Variants in GPC5 observed in about 807,000 individuals in gnomAD.
The protein encoded by GPC5 is glypican 5, also known as glypican-5.
Under a neutral mutation model 53.9 loss-of-function variants are expected in GPC5, and 47 were observed. The ratio of observed to expected loss-of-function variants is 0.87; its 90% confidence interval spans 0.69 to 1.11. GPC5 has a LOEUF of 1.11. Among genes scored for constraint, GPC5 ranks in the 50% most tolerant of loss-of-function variants. The pLI, the probability that GPC5 is intolerant of heterozygous loss-of-function variation, is 0.00. For synonymous variants in GPC5, 286 were observed against 263.3 expected (o/e 1.09, Z -0.84); for missense variants, 748 against 713.1 (o/e 1.05, Z -0.56).
chr13:91,925,424 A>G (rs551931669), intron 6 of GPC5, among the ~76,000 whole-genome samples: 102 of 152,252 alleles, frequency 6.7e-4, no homozygotes, highest in African/African-American at 2.4e-3. Context: ...GTATTGTTTC[A>G]TTCACTCATC....
In GPC5 at chr13:92,521,772, G is replaced by C. The variant is rs1021048261; in HGVS notation, c.1562-344510G>C. Reference sequence around the variant, plus strand: ...CAATGGCAACAGAAGCCAAAATTGAGAAATGGGATCTAATTAAACTAAAGA... The same window carrying C: ...CAATGGCAACAGAAGCCAAAATTGACAAATGGGATCTAATTAAACTAAAGA... On this transcript the variant is annotated intron_variant, in intron 7 of 7. Coordinates refer to ENST00000377067, the MANE Select transcript of GPC5 (RefSeq NM_004466.6). 8.8e-4 allele frequency among the ~76,000 whole-genome samples: 134 copies of C among 152,194 alleles called. 1 individual carries two copies. Among genetic ancestry groups the C allele is most frequent in the African/African-American group, 3.0e-3 (123 of 41,530 alleles).
intron 1 of GPC5, among the ~76,000 whole-genome samples, chr13:91,438,239 G>C (rs1880137571): frequency 6.6e-6 from 1 of 152,170 alleles, no homozygotes; most frequent in African/African-American, 2.4e-5. Flanking sequence ...GAGGCACTCT[G>C]ATTTTTAGAG....
intron 7 of GPC5, among the ~76,000 whole-genome samples, chr13:92,191,503 T>A (rs903602966): frequency 1.3e-5 from 2 of 152,188 alleles, no homozygotes; most frequent in African/African-American, 4.8e-5. Flanking sequence ...TCTTACCATA[T>A]GTTCCATCAA....
chr13:92,653,504 C>T (rs373969020), intron 7 of GPC5, among the ~76,000 whole-genome samples: 1 of 152,058 alleles, frequency 6.6e-6, no homozygotes, highest in Non-Finnish European at 1.5e-5. Context: ...TCCTTTCTAA[C>T]CCCATGCATC....
chr13:92,730,423 G>A (rs2139298319), intron 7 of GPC5, among the ~76,000 whole-genome samples: 1 of 151,214 alleles, frequency 6.6e-6, no homozygotes, highest in South Asian at 2.1e-4. Flanking sequence ...CTGTGCCTTT[G>A]GTCCTTTGGT....
intron 7 of GPC5, among the ~76,000 whole-genome samples, chr13:92,637,896 A>G (rs1210188668): frequency 6.6e-6 from 1 of 152,198 alleles, no homozygotes; most frequent in East Asian, 1.9e-4. Flanking sequence ...AGAAACATGG[A>G]AGAGAGAGCA....
intron 7 of GPC5, among the ~76,000 whole-genome samples, chr13:92,151,548 G>C (rs1236773003): frequency 1.3e-5 from 2 of 152,220 alleles, no homozygotes; most frequent in South Asian, 4.1e-4. Flanking sequence ...AATGGTGGCT[G>C]ATTCTGTATG....
At chr13:91,763,460 G>A (rs748913025) in intron 5 of GPC5, among the ~76,000 whole-genome samples, 1 of 152,056 alleles carries the variant, frequency 6.6e-6, no homozygotes, top group Non-Finnish European at 1.5e-5. Context: ...GCAAAGACCT[G>A]CCCAAAGTCA....
intron 6 of GPC5, among the ~76,000 whole-genome samples, chr13:92,069,229 T>G (rs1270690660): frequency 2.0e-5 from 3 of 152,122 alleles, no homozygotes; most frequent in African/African-American, 7.2e-5. Context: ...TATATGTCTA[T>G]CTCTATGCTA....
intron 7 of GPC5, among the ~76,000 whole-genome samples, chr13:92,458,862 G>T (rs1375031399): frequency 6.6e-6 from 1 of 152,104 alleles, no homozygotes; most frequent in African/African-American, 2.4e-5. Context: ...ACAGTGATAA[G>T]AACATCTACT....
chr13:92,692,754 A>ATTGTTTTTTTTTTTTTTTTTT (rs1887443576), intron 7 of GPC5, among the ~76,000 whole-genome samples: 1 of 81,050 alleles, frequency 1.2e-5, no homozygotes, highest in East Asian at 8.4e-4. Context: ...AATATCGGCT[A>ATTGTTTTTTTTTTTTTTTTTT]TTTTTTTTTT....
intron 2 of GPC5, among the ~76,000 whole-genome samples, chr13:91,540,569 A>G (rs1375759856): frequency 6.6e-6 from 1 of 152,212 alleles, no homozygotes; most frequent in Non-Finnish European, 1.5e-5. Context: ...CAGACATTAA[A>G]AGCCTTTGGA....
At chr13:91,488,356 T>G (rs1012423465) in intron 2 of GPC5, among the ~76,000 whole-genome samples, 8 of 152,138 alleles carry the variant, frequency 5.3e-5, no homozygotes, top group Non-Finnish European at 1.5e-5. Flanking sequence ...CTAGGGGAGA[T>G]TAGAAGAGTG....
chr13:91,555,645 G>A (rs1006789529), intron 2 of GPC5, among the ~76,000 whole-genome samples: 3 of 152,084 alleles, frequency 2.0e-5, no homozygotes, highest in African/African-American at 7.2e-5. Context: ...TACTCATGTT[G>A]CTAAAGATAT....
chr13:91,825,256 TG>T (rs1292086544), intron 5 of GPC5, among the ~76,000 whole-genome samples: 3 of 152,078 alleles, frequency 2.0e-5, no homozygotes, highest in Non-Finnish European at 4.4e-5. Flanking sequence ...TTTTTGAACT[TG>T]CCCAAGCAGC....
chr13:92,002,823 T>C (rs1027869044), intron 6 of GPC5, among the ~76,000 whole-genome samples: 3 of 152,198 alleles, frequency 2.0e-5, no homozygotes. Flanking sequence ...TTTATTCAGT[T>C]GATATGAGCT....
chr13:92,187,219 A>G (rs375471800), intron 7 of GPC5, among the ~76,000 whole-genome samples: 2 of 152,214 alleles, frequency 1.3e-5, no homozygotes, highest in African/African-American at 4.8e-5. Flanking sequence ...AAGTTAGTAC[A>G]TCCACTTTAA....
chr13:92,206,382 G>T (rs552750512), intron 7 of GPC5, among the ~76,000 whole-genome samples: 1 of 150,848 alleles, frequency 6.6e-6, no homozygotes, highest in South Asian at 2.1e-4. Flanking sequence ...AGCCAGGATG[G>T]TCTCGATCTC....
intron 7 of GPC5, among the ~76,000 whole-genome samples, chr13:92,658,608 G>A (rs1449730233): frequency 1.3e-5 from 2 of 152,096 alleles, no homozygotes; most frequent in African/African-American, 2.4e-5. Context: ...TGGTTTTGTT[G>A]TTGTTGTTTC....
Sources: allele counts gnomAD v4.1 joint callset (sites outside exome capture counted in the v4.1 genomes callset), GRCh38; gene constraint gnomAD v4.1.1; transcripts MANE v1.5; gene names NCBI Gene and HGNC (gene_info 2026-07-23, HGNC 2026-07-21).